The following FOXP1 variants were observed in gnomAD, a reference collection of about 807,000 sequenced individuals.
The protein encoded by FOXP1 is forkhead box protein P1.
FOXP1 carries 15 observed loss-of-function variants against 98.2 expected under a neutral mutation model. The ratio of observed to expected loss-of-function variants is 0.15; its 90% CI spans 0.10 to 0.24. The LOEUF (loss-of-function observed/expected upper bound fraction) is 0.24, where lower values mean the gene tolerates loss of function less well. Among genes scored for constraint, FOXP1 ranks in the 10% least tolerant of loss-of-function variants. The pLI is 1.00. For synonymous variants in FOXP1, 371 were observed against 314.5 expected (o/e 1.18, Z -1.90); for missense variants, 633 against 848.5 (o/e 0.75, Z 3.15).
At chr3:71,237,808 AAGATAAC>A (rs2066926245) in intron 5 of FOXP1, among the ~76,000 whole-genome samples, 2 of 152,348 alleles carry the variant, frequency 1.3e-5, no homozygotes, top group African/African-American at 4.8e-5. Flanking sequence ...GTCACCTGTC[AAGATAAC>A]AGTAAGGAAG....
At chr3:71,440,983 C>T (rs1278160435) in intron 3 of FOXP1, among the ~76,000 whole-genome samples, 1 of 152,336 alleles carries the variant, frequency 6.6e-6, no homozygotes, top group East Asian at 1.9e-4. Flanking sequence ...GGAAAGCATG[C>T]ACCAGGTATA....
intron 4 of FOXP1, among the ~76,000 whole-genome samples, chr3:71,354,150 C>A (rs370532739): frequency 5.8e-3 from 748 of 128,530 alleles, no homozygotes; most frequent in Non-Finnish European, 6.9e-3. Context: ...ATTAAAAATA[C>A]AAAAAAAAAA....
intron 14 of FOXP1, among the ~76,000 whole-genome samples, chr3:70,978,765 C>T (rs1173260818): frequency 6.6e-6 from 1 of 152,186 alleles, no homozygotes; most frequent in Non-Finnish European, 1.5e-5. Flanking sequence ...GAAAATAATC[C>T]TTAACAGCAT....
chr3:71,133,492 C>T (rs972677367), intron 6 of FOXP1, among the ~76,000 whole-genome samples: 1 of 152,158 alleles, frequency 6.6e-6, no homozygotes, highest in Non-Finnish European at 1.5e-5. Flanking sequence ...AATGGCTTCA[C>T]GCTAATTGCT....
At chr3:71,564,140 C>T (rs945990629) in intron 2 of FOXP1, among the ~76,000 whole-genome samples, 2 of 152,190 alleles carry the variant, frequency 1.3e-5, no homozygotes, top group South Asian at 2.1e-4. Flanking sequence ...CAGACAAAAA[C>T]CAAAGCAAGT....
chr3:71,492,371 G>C (rs997434349), intron 3 of FOXP1, among the ~76,000 whole-genome samples: 1 of 151,628 alleles, frequency 6.6e-6, no homozygotes, highest in African/African-American at 2.4e-5. Flanking sequence ...AAAATTGCTT[G>C]AACCTGGGAG....
chr3:71,495,588 A>G (rs1263266434), intron 2 of FOXP1, among the ~76,000 whole-genome samples: 2 of 152,318 alleles, frequency 1.3e-5, no homozygotes, highest in East Asian at 1.9e-4. Flanking sequence ...TATTGTTTTA[A>G]GTCTTTTATA....
intron 3 of FOXP1, among the ~76,000 whole-genome samples, chr3:71,389,739 T>C (rs2080894801): frequency 6.6e-6 from 1 of 152,196 alleles, no homozygotes; most frequent in Admixed American, 6.5e-5. Flanking sequence ...TCACTTTTTT[T>C]GCAAAAACTT....
At chr3:71,534,365 A>G (rs2044116386) in intron 2 of FOXP1, among the ~76,000 whole-genome samples, 1 of 152,058 alleles carries the variant, frequency 6.6e-6, no homozygotes, top group Admixed American at 6.6e-5. Flanking sequence ...AAAAACAACA[A>G]CAACAACAAC....
chr3:71,127,921 G>A (rs1165388430), intron 6 of FOXP1, among the ~76,000 whole-genome samples: 1 of 152,126 alleles, frequency 6.6e-6, no homozygotes, highest in Non-Finnish European at 1.5e-5. Context: ...TTCCATCCTT[G>A]TCTTCTCAAG....
intron 13 of FOXP1, among the ~76,000 whole-genome samples, chr3:70,991,197 C>T (rs575735726): frequency 2.6e-5 from 4 of 151,894 alleles, no homozygotes; most frequent in South Asian, 2.1e-4. Flanking sequence ...TAATTTTGAT[C>T]GTTTAAAGAA....
At chr3:71,113,327 G>A (rs546410286) in intron 6 of FOXP1, among the ~76,000 whole-genome samples, 1 of 152,168 alleles carries the variant, frequency 6.6e-6, no homozygotes, top group Non-Finnish European at 1.5e-5. Flanking sequence ...ATATGGGATG[G>A]TTTCTCCTTA....
chr3:71,222,278 C>T (rs1387617512), intron 5 of FOXP1, among the ~76,000 whole-genome samples: 1 of 152,204 alleles, frequency 6.6e-6, no homozygotes, highest in Non-Finnish European at 1.5e-5. Flanking sequence ...CCTGGTAACA[C>T]TGCCAAGCCC....
rs1253307919 is a variant in FOXP1, at chr3:70,959,262, G to A, written c.2019C>T (p.Asn673=). The A allele has an allele frequency of 6.2e-7, 1 of 1,612,320 alleles. No individual in the cohort carries two copies. The highest frequency in any genetic ancestry group is 1.1e-5 in the South Asian group (1 of 91,006). ...GCCCCGATAGTCACTCCATGTCCTC[G>A]TTTACTGGTTCATCTTCGTAATCTC... is the stretch of plus-strand genomic sequence containing the variant. ...HDRDYEDEPV[N]EDME is the part of the protein sequence containing the mutation. Residue 673 remains asparagine (N), a synonymous_variant, in exon 21 of 21, where the codon AAC becomes AAT. Transcript: ENST00000649528.
At chr3:71,364,718 C>A (rs536436543) in intron 3 of FOXP1, among the ~76,000 whole-genome samples, 1 of 152,152 alleles carries the variant, frequency 6.6e-6, no homozygotes, top group South Asian at 2.1e-4. Flanking sequence ...GGTAGAACAT[C>A]AGATACCTCC....
At chr3:71,059,738 T>C (rs1003942558) in intron 7 of FOXP1, among the ~76,000 whole-genome samples, 4 of 152,114 alleles carry the variant, frequency 2.6e-5, no homozygotes, top group African/African-American at 7.2e-5. Context: ...AAAAATCATG[T>C]TTAAGTGCTG....
intron 3 of FOXP1, among the ~76,000 whole-genome samples, chr3:71,465,782 C>A (rs752048033): frequency 6.6e-6 from 1 of 152,144 alleles, no homozygotes; most frequent in Non-Finnish European, 1.5e-5. Flanking sequence ...ACCGGATGCA[C>A]AAGAAGTGAG....
Position 71,411,594 on chromosome 3 carries a change from T to C in FOXP1, c.-167-52350A>G, listed in dbSNP as rs571853018. On this transcript the variant is annotated intron_variant, in intron 3 of 20. Transcript: ENST00000649528. ...GCCCTGGCCTCCCAAAGTGCTAGGATTACAGGCATGAGCCACTGCGCCCGG... is the reference window on the plus strand; with the variant it reads ...GCCCTGGCCTCCCAAAGTGCTAGGACTACAGGCATGAGCCACTGCGCCCGG... Among the ~76,000 whole-genome samples, 79 of 152,286 alleles carry C rather than the reference T, an allele frequency of 5.2e-4. No homozygotes were observed. The South Asian group carries it at 0.012, about 24-fold the overall frequency.
At chr3:71,358,305 A>T (rs560323011) in intron 4 of FOXP1, among the ~76,000 whole-genome samples, 1 of 152,310 alleles carries the variant, frequency 6.6e-6, no homozygotes, top group Admixed American at 6.5e-5. Flanking sequence ...AAAGAAAGAC[A>T]TTTCAACAGC....
Sources: gnomAD v4.1 joint callset for allele counts (sites outside exome capture counted in the v4.1 genomes callset) on GRCh38, gnomAD v4.1.1 for gene constraint, MANE v1.5 for transcripts, NCBI Gene and HGNC (gene_info 2026-07-23, HGNC 2026-07-21) for gene names.